The following KANK1 variants were observed in gnomAD, a reference collection of about 807,000 sequenced individuals.
The protein encoded by KANK1 is KN motif and ankyrin repeat domain-containing protein 1.
A neutral mutation model predicts 106.2 loss-of-function variants in KANK1; 109 were observed. The observed-to-expected ratio is 1.03, with a 90% CI of 0.88 to 1.20. The LOEUF is 1.20. KANK1 is among the 50% of genes most tolerant of loss of function. KANK1 has a pLI of 0.00. For synonymous variants in KANK1, 873 were observed against 652.2 expected, an observed-to-expected ratio of 1.34 and a Z score of -5.16; for missense variants, 2,399 against 1,710.7, an observed-to-expected ratio of 1.40 and a Z score of -7.10.
chr9:676,405 G>A (rs62531172), intron 1 of KANK1, among the ~76,000 whole-genome samples: 18,228 of 152,164 alleles, frequency 0.12, 1,473 homozygotes, highest in Non-Finnish European at 0.16. Flanking sequence ...AGAAAGAGGC[G>A]TTGGTAGAAA....
chr9:529,227 A>G (rs971886623), intron 1 of KANK1, among the ~76,000 whole-genome samples: 1 of 141,810 alleles, frequency 7.1e-6, no homozygotes. Context: ...GTTAATATAT[A>G]TATATATACA....
intron 1 of KANK1, among the ~76,000 whole-genome samples, chr9:523,910 C>G (rs755233019): frequency 6.6e-6 from 1 of 151,366 alleles, no homozygotes; most frequent in Non-Finnish European, 1.5e-5. Flanking sequence ...CAGTAGAATA[C>G]GGGCTTTTCC....
chr9:600,860 T>A (rs1827567185), intron 1 of KANK1, among the ~76,000 whole-genome samples: 3 of 151,886 alleles, frequency 2.0e-5, no homozygotes, highest in Admixed American at 2.0e-4. Flanking sequence ...GTTCTAAAGT[T>A]AAAGCTTTTT....
intron 1 of KANK1, among the ~76,000 whole-genome samples, chr9:566,258 C>G (rs1277316534): frequency 2.6e-5 from 4 of 152,172 alleles, no homozygotes; most frequent in Non-Finnish European, 4.4e-5. Flanking sequence ...CACTGTACCA[C>G]TGATGGGCGT....
intron 2 of KANK1, among the ~76,000 whole-genome samples, chr9:696,534 G>T (rs1020681970): frequency 6.6e-6 from 1 of 152,168 alleles, no homozygotes; most frequent in Non-Finnish European, 1.5e-5. Flanking sequence ...ACAGATGGGA[G>T]AGTGTGGGGA....
intron 1 of KANK1, among the ~76,000 whole-genome samples, chr9:534,564 T>G (rs2133639380): frequency 6.6e-6 from 1 of 152,342 alleles, no homozygotes; most frequent in South Asian, 2.1e-4. Flanking sequence ...ATTTGCCCCT[T>G]AGTTTTATCT....
chr9:500,808 C>G (rs901580433), upstream of KANK1, among the ~76,000 whole-genome samples: 4 of 152,232 alleles, frequency 2.6e-5, no homozygotes, highest in African/African-American at 9.7e-5. Context: ...TACGGAGCTT[C>G]AGTACCCTGG....
chr9:653,311 C>G (rs898112738), intron 1 of KANK1, among the ~76,000 whole-genome samples: 1 of 152,046 alleles, frequency 6.6e-6, no homozygotes, highest in African/African-American at 2.4e-5. Flanking sequence ...CTCGTGGTCT[C>G]TCTAGTGCTA....
rs930256057 is a variant in KANK1 at position 730,828 on chromosome 9, C to T, written c.2897-330C>T. The T allele has an allele frequency of 5.7e-5, 11 of 192,082 alleles. No homozygotes were observed. The East Asian group carries it at 1.2e-3, about 20-fold the overall frequency. The allele number at this position is 192,082 out of a possible 1,614,324, so 11.9% of individuals were successfully genotyped here. On this transcript the variant is annotated intron_variant, in intron 4 of 11. Transcript: ENST00000382297. ...TCTCAGCTGAAGAAGAATAATAATC[C>T]CTGTTTAGTACGTAAATGGTCCTTG...
intron 1 of KANK1, among the ~76,000 whole-genome samples, chr9:622,764 G>A (rs10217450): frequency 0.06 from 9,068 of 151,360 alleles, 725 homozygotes; most frequent in East Asian, 0.24. Context: ...TGAGCCAGGC[G>A]TGGTGGCAGC....
At chr9:568,560 G>C (rs1436415111) in intron 1 of KANK1, among the ~76,000 whole-genome samples, 1 of 152,140 alleles carries the variant, frequency 6.6e-6, no homozygotes, top group Non-Finnish European at 1.5e-5. Flanking sequence ...TGCAGTCATG[G>C]CATGCTTTAA....
At chr9:640,104 G>A (rs1221188304) in intron 1 of KANK1, among the ~76,000 whole-genome samples, 1 of 152,136 alleles carries the variant, frequency 6.6e-6, no homozygotes, top group African/African-American at 2.4e-5. Flanking sequence ...CTCCACATTT[G>A]AGTTAAGAAA....
intron 3 of KANK1, among the ~76,000 whole-genome samples, chr9:723,908 C>T: frequency 7.1e-6 from 1 of 140,714 alleles, no homozygotes; most frequent in Non-Finnish European, 1.5e-5. Flanking sequence ...GCCTGGGCAA[C>T]ATAGTGAAAC....
At position 744,485 on chromosome 9, in the gene KANK1, C is replaced by G; in HGVS notation, c.3898-6C>G. On this transcript the variant is annotated splice_region_variant and splice_polypyrimidine_tract_variant and intron_variant, in intron 10 of 11. Transcript: ENST00000382297. ...ACATGGCTTGTTCTTTCCATCTTAT[C>G]TTAAGGATGGCAGCACTGCGCTCTC... 1 of 1,610,764 alleles carries G rather than the reference C, an allele frequency of 6.2e-7. No homozygotes were observed.
chr9:619,170 C>G (rs1437100872), intron 1 of KANK1, among the ~76,000 whole-genome samples: 1 of 152,120 alleles, frequency 6.6e-6, no homozygotes, highest in African/African-American at 2.4e-5. Context: ...GCTTTACAGC[C>G]AATACTTAAA....
At chr9:541,422 CA>C (rs2060591787) in intron 1 of KANK1, among the ~76,000 whole-genome samples, 1 of 152,082 alleles carries the variant, frequency 6.6e-6, no homozygotes, top group Non-Finnish European at 1.5e-5. Flanking sequence ...AAAATCAACT[CA>C]AAATGGACTA....
At chr9:472,423 A>T (rs1019047074) in intron 2 of KANK1, among the ~76,000 whole-genome samples, 1 of 152,180 alleles carries the variant, frequency 6.6e-6, no homozygotes, top group Non-Finnish European at 1.5e-5. Context: ...GCTTCTTAGC[A>T]CCAGAAGAGC....
chr9:528,836 G>A (rs548166161), intron 1 of KANK1, among the ~76,000 whole-genome samples: 1 of 151,900 alleles, frequency 6.6e-6, no homozygotes, highest in Non-Finnish European at 1.5e-5. Context: ...GATCTTATTT[G>A]TAAGCCAGGC....
At chr9:637,081 C>G (rs1837321432) in intron 1 of KANK1, among the ~76,000 whole-genome samples, 1 of 152,100 alleles carries the variant, frequency 6.6e-6, no homozygotes, top group Admixed American at 6.5e-5. Context: ...TTGACAGTTT[C>G]TACTTTATTC....
Sources: allele counts gnomAD v4.1 joint callset (sites outside exome capture counted in the v4.1 genomes callset), GRCh38; gene constraint gnomAD v4.1.1; transcripts MANE v1.5; gene names NCBI Gene and HGNC (gene_info 2026-07-23, HGNC 2026-07-21).